The following MYO10 variants were observed in gnomAD, a reference collection of about 807,000 sequenced individuals.
MYO10 encodes myosin X.
A neutral mutation model predicts 257.3 loss-of-function variants in MYO10; 133 were observed. That is an observed-to-expected ratio of 0.52 (90% CI 0.45 to 0.60). The LOEUF (loss-of-function observed/expected upper bound fraction) is 0.60, where lower values mean the gene tolerates loss of function less well. Among genes scored for constraint, MYO10 ranks in the 20% least tolerant of loss-of-function variants. The pLI, the probability that MYO10 is intolerant of heterozygous loss-of-function variation, is 0.00. For synonymous variants in MYO10, 1,104 were observed against 1,028.6 expected (o/e 1.07, Z -1.40); for missense variants, 2,399 against 2,635.7 (o/e 0.91, Z 1.97).
At chr5:16,757,383 C>A (rs914008763) in intron 18 of MYO10, among the ~76,000 whole-genome samples, 1 of 149,936 alleles carries the variant, frequency 6.7e-6, no homozygotes, top group Non-Finnish European at 1.5e-5. Context: ...CCTGGCAAAC[C>A]GACCTTCTAG....
chr5:16,823,322 G>T (rs938886159), intron 2 of MYO10, among the ~76,000 whole-genome samples: 3 of 147,334 alleles, frequency 2.0e-5, no homozygotes, highest in Middle Eastern at 3.2e-3. Context: ...GCACGTGACG[G>T]TAATCCCAGC....
intron 19 of MYO10, among the ~76,000 whole-genome samples, chr5:16,746,024 A>T (rs1740184591): frequency 6.6e-6 from 1 of 152,174 alleles, no homozygotes; most frequent in African/African-American, 2.4e-5. Context: ...TTTATTAAGA[A>T]AGTAAAGGAA....
chr5:16,748,038 CATT>C (rs1342391184), intron 19 of MYO10, among the ~76,000 whole-genome samples: 1 of 149,310 alleles, frequency 6.7e-6, no homozygotes. Context: ...AAATGTGTCA[CATT>C]ATCATCCGAA....
At chr5:16,879,932 C>T (rs570078831) in intron 1 of MYO10, among the ~76,000 whole-genome samples, 2 of 152,334 alleles carry the variant, frequency 1.3e-5, no homozygotes, top group East Asian at 3.9e-4. Context: ...AATCCCAGCA[C>T]TTTCGAAGGC....
At position 16,681,854 on chromosome 5, in the gene MYO10, G is replaced by A. The variant is rs2561866; in HGVS notation, c.4189+17C>T. On this transcript the variant is annotated intron_variant, in intron 31 of 40. Coordinates refer to ENST00000513610, the MANE Select transcript of MYO10 (RefSeq NM_012334.3). Reference sequence around the variant, plus strand: ...GGAGTCTGTTAAGCAGACCGAGGAAGCAGGGCAGGCAGTCACCTCTCACGA... The same window carrying A: ...GGAGTCTGTTAAGCAGACCGAGGAAACAGGGCAGGCAGTCACCTCTCACGA... The A allele has an allele frequency of 3.1e-3, 5,047 of 1,612,106 alleles. 122 individuals carry two copies. In the African/African-American group the frequency reaches 0.06, roughly 19 times the overall value.
chr5:16,814,267 G>A (rs943286098), intron 3 of MYO10, among the ~76,000 whole-genome samples: 2 of 151,972 alleles, frequency 1.3e-5, no homozygotes, highest in African/African-American at 2.4e-5. Context: ...TCAGCCTCCC[G>A]AGTACCTAGG....
chr5:16,910,392 C>G (rs1745627893), intron 1 of MYO10, among the ~76,000 whole-genome samples: 1 of 152,062 alleles, frequency 6.6e-6, no homozygotes. Flanking sequence ...GCACAGCTGA[C>G]AAATGACCAG....
Position 16,667,745 on chromosome 5 carries a change from G to A in MYO10, c.6075+532C>T, listed in dbSNP as rs115402070. ...CGTTGACTTGCTAGCTGTTCCCTTTGTGGAAGCCTCAATAAGCTTCTTGTA... is the reference window on the plus strand; with the variant it reads ...CGTTGACTTGCTAGCTGTTCCCTTTATGGAAGCCTCAATAAGCTTCTTGTA... On this transcript the variant is annotated intron_variant, in intron 40 of 40. Transcript: ENST00000513610. 1.7e-3 allele frequency among the ~76,000 whole-genome samples: 264 copies of A among 152,230 alleles called. 1 individual carries two copies. The highest frequency in any genetic ancestry group is 6.2e-3 in the African/African-American group (257 of 41,538).
chr5:16,918,500 C>CTTTTTTTTTTTTTT (rs5866221), intron 1 of MYO10, among the ~76,000 whole-genome samples: 6 of 117,678 alleles, frequency 5.1e-5, no homozygotes, highest in Non-Finnish European at 8.4e-5. Context: ...TTTTTCTTTT[C>CTTTTTTTTTTTTTT]TTTTTTTTTT....
chr5:16,685,692 C>A, intron 29 of MYO10, 46 bp downstream of exon 29: 1 of 1,297,840 alleles, frequency 7.7e-7, no homozygotes, highest in South Asian at 1.3e-5. Flanking sequence ...CCTCCCCGTC[C>A]CTGCCCCTAG....
At chr5:16,762,270 T>C (rs918922850) in intron 15 of MYO10, among the ~76,000 whole-genome samples, 157 bp from the exon 16 acceptor site, 1 of 152,130 alleles carries the variant, frequency 6.6e-6, no homozygotes, top group Non-Finnish European at 1.5e-5. Flanking sequence ...ATGGTGCACT[T>C]TATAAAAACC....
intron 33 of MYO10, among the ~76,000 whole-genome samples, chr5:16,677,578 G>A (rs1386435024): frequency 2.0e-5 from 3 of 149,290 alleles, no homozygotes; most frequent in Non-Finnish European, 4.4e-5. Context: ...ACCACACCCA[G>A]CTAATTTTTT....
rs747810912 is a variant in MYO10 at position 16,758,217 on chromosome 5, A to T, written c.1749T>A (p.Phe583Leu). The part of the protein sequence containing the change: ...LNLLRESRFD[F>L]IYDLFEHVSS... ...AAACATGTTCAAAAAGATCGTAGAT[A>T]AAGTCAAATCTGTGTGAGGCAAGAG... The change falls in exon 18 of 41, where the codon TTT becomes TTA. Residue 583 changes from phenylalanine to leucine, a missense_variant. Physicochemically the swap from Phe to Leu is conservative, Grantham distance 22 (BLOSUM62 0). Coordinates refer to ENST00000513610, the MANE Select transcript of MYO10 (RefSeq NM_012334.3). 2 of 1,608,978 alleles carry T rather than the reference A, an allele frequency of 1.2e-6. No homozygotes were observed. Among genetic ancestry groups the T allele is most frequent in the African/African-American group, 1.3e-5 (1 of 74,824 alleles).
chr5:16,836,004 C>T (rs1232000366), intron 2 of MYO10, among the ~76,000 whole-genome samples: 1 of 151,992 alleles, frequency 6.6e-6, no homozygotes, highest in Non-Finnish European at 1.5e-5. Flanking sequence ...ACAGCTTGTA[C>T]CAGAAATCTG....
chr5:16,894,472 G>A (rs535409726), intron 1 of MYO10, among the ~76,000 whole-genome samples: 186 of 152,218 alleles, frequency 1.2e-3, no homozygotes, highest in African/African-American at 4.3e-3. Context: ...GAACCTCCAC[G>A]GGCCTTCATT....
At chr5:16,717,183 GTCTCAAAGAGCTTTGCGT>G (rs1738910827) in intron 19 of MYO10, among the ~76,000 whole-genome samples, 1 of 152,190 alleles carries the variant, frequency 6.6e-6, no homozygotes, top group South Asian at 2.1e-4. Flanking sequence ...TAAAAAGTAA[GTCTCAAAGAGCTTTGCGT>G]TCCTGAAAAC....
intron 33 of MYO10, among the ~76,000 whole-genome samples, chr5:16,676,888 T>C (rs1736751133): frequency 6.6e-6 from 1 of 152,240 alleles, no homozygotes; most frequent in Admixed American, 6.5e-5. Flanking sequence ...TCTTCTGTTA[T>C]TGATTTAGCC....
intron 19 of MYO10, among the ~76,000 whole-genome samples, chr5:16,728,218 C>T (rs771613282): frequency 2.0e-5 from 3 of 152,184 alleles, no homozygotes; most frequent in Admixed American, 6.5e-5. Context: ...AATGGCCCTG[C>T]GTGTGCATGG....
In MYO10 at chr5:16,769,117, T is replaced by C; in HGVS notation, c.1017A>G (p.Ile339Met). The C allele has an allele frequency of 6.2e-7, 1 of 1,612,254 alleles. No individual in the cohort carries two copies. The highest frequency in any genetic ancestry group is 1.1e-5 in the South Asian group (1 of 90,446). ...LLAGILHLGN[I>M]EFITAGGAQV... ...GTGCCCCACCAGCAGTGATAAATTC[T>C]ATGTTCCCAAGATGCAGTATACCAG... The change falls in exon 10 of 41, where the codon ATA becomes ATG. Residue 339 changes from isoleucine (I) to methionine (M), a missense_variant. Coordinates refer to ENST00000513610, the MANE Select transcript of MYO10 (RefSeq NM_012334.3).
Sources: gnomAD v4.1 joint callset for allele counts (sites outside exome capture counted in the v4.1 genomes callset) on GRCh38, gnomAD v4.1.1 for gene constraint, MANE v1.5 for transcripts, NCBI Gene and HGNC (gene_info 2026-07-23, HGNC 2026-07-21) for gene names.